Variants in TBC1D17 observed in about 807,000 individuals in gnomAD.
TBC1D17 encodes the protein TBC1 domain family member 17, also known as TBC1 domain family, member 17.
TBC1D17 carries 69 observed loss-of-function variants against 78.8 expected under a neutral mutation model. That is an observed-to-expected ratio of 0.88 (90% CI 0.72 to 1.07). The LOEUF (loss-of-function observed/expected upper bound fraction) is 1.07, where lower values mean the gene tolerates loss of function less well. TBC1D17 is among the 50% of genes least tolerant of loss of function. The pLI is 0.00. For missense variants in TBC1D17, 957 were observed against 861.0 expected, an observed-to-expected ratio of 1.11 and a Z score of -1.39; for synonymous variants, 456 against 358.3, an observed-to-expected ratio of 1.27 and a Z score of -3.08.
chr19:49,877,741 C>T lies in TBC1D17; in HGVS notation c.18C>T (p.Tyr6=), dbSNP rs758864328. The change falls in exon 1 of 17, where the codon TAC becomes TAT. Residue 6 remains tyrosine (Y), a synonymous_variant. Coordinates refer to ENST00000221543, the MANE Select transcript of TBC1D17 (RefSeq NM_024682.3). ...CGGCGACTATGGAAGGAGCCGGCTA[C>T]AGGGTAAGCACTGAGGACGCATTCC... MEGAG[Y]RVVFEKGGVY... 1.9e-6 allele frequency: 3 copies of T among 1,596,176 alleles called. No individual in the cohort carries two copies. The highest frequency in any genetic ancestry group is 2.6e-6 in the Non-Finnish European group (3 of 1,172,352).
intron 15 of TBC1D17, 21 bp from the exon 16 acceptor site, chr19:49,888,210 C>T (rs1470472252): frequency 6.4e-7 from 1 of 1,565,208 alleles, no homozygotes; most frequent in Non-Finnish European, 8.7e-7. Flanking sequence ...CGACTGGCGC[C>T]TGACCCACCC....
intron 1 of TBC1D17, 71 bp from the exon 2 acceptor site, chr19:49,878,072 C>G: frequency 7.7e-7 from 1 of 1,298,094 alleles, no homozygotes; most frequent in East Asian, 2.5e-5. Context: ...CTCCCTGGGC[C>G]CGTCCCTATT....
chr19:49,878,107 T>A, intron 1 of TBC1D17, 36 bp from the exon 2 acceptor site: 1 of 1,528,498 alleles, frequency 6.5e-7, no homozygotes, highest in Non-Finnish European at 8.9e-7. Context: ...GTCCCCTCGC[T>A]TGGGCCCCAG....
intron 2 of TBC1D17, 50 bp downstream of exon 2, chr19:49,878,291 C>T (rs1346856206): frequency 1.3e-5 from 19 of 1,513,968 alleles, no homozygotes; most frequent in Non-Finnish European, 1.6e-5. Context: ...GGGATGCAGG[C>T]GGTCTGGGAT....
In TBC1D17 at chr19:49,888,521, C is replaced by T; in HGVS notation, c.1844C>T (p.Thr615Ile). 1 of 1,537,086 alleles carries T rather than the reference C, an allele frequency of 6.5e-7. No homozygotes were observed. The highest frequency in any genetic ancestry group is 1.9e-5 in the Admixed American group (1 of 51,992). ...PTASPLPLSP[T>I]RAPPTPPPST... ...GCCTCCCCGCTGCCTCTGTCGCCCA[C>T]CCGGGCCCCGCCCACCCCGCCGCCC... Residue 615 changes from threonine (T) to isoleucine (I), a missense_variant, in exon 17 of 17, where the codon ACC becomes ATC. Thr to Ile is a moderately conservative substitution (Grantham distance 89). Coordinates refer to ENST00000221543, the MANE Select transcript of TBC1D17 (RefSeq NM_024682.3).
intron 4 of TBC1D17, 69 bp from the exon 5 acceptor site, chr19:49,881,199 T>C: frequency 7.0e-7 from 1 of 1,424,454 alleles, no homozygotes; most frequent in Non-Finnish European, 9.7e-7. Flanking sequence ...AGGAACATCC[T>C]GGGTTGTGGT....
intron 13 of TBC1D17, among the ~76,000 whole-genome samples, chr19:49,886,025 A>T (rs2075056184): frequency 6.7e-6 from 1 of 150,164 alleles, no homozygotes; most frequent in South Asian, 2.1e-4. Context: ...TCACGCCTGT[A>T]ATCCAGCACT....
In TBC1D17 at chr19:49,882,972, G is replaced by C; in HGVS notation, c.928-1G>C. 3 of 1,608,014 alleles carry C rather than the reference G, an allele frequency of 1.9e-6. No individual in the cohort carries two copies. The highest frequency in any genetic ancestry group is 2.5e-6 in the Non-Finnish European group (3 of 1,176,950). The stretch of plus-strand genomic sequence containing the variant: ...AGCTGCCTGCCCTCCTGCACCCCCA[G>C]GGTCTGAGCCCCAGCCTGCGGCGCG... On this transcript the variant is annotated splice_acceptor_variant, in intron 8 of 16. Transcript: ENST00000221543. LOFTEE classifies it high-confidence loss of function.
chr19:49,877,926 C>A, intron 1 of TBC1D17, 182 bp downstream of exon 1: 2 of 775,596 alleles, frequency 2.6e-6, no homozygotes, highest in Non-Finnish European at 4.0e-6. Context: ...CATGGCCCCG[C>A]CCCCCCGGCT....
chr19:49,884,594 T>C, intron 12 of TBC1D17, 35 bp downstream of exon 12: 1 of 1,613,640 alleles, frequency 6.2e-7, no homozygotes, highest in South Asian at 1.1e-5. Flanking sequence ...CACAGGCCTA[T>C]CGAGCGATCA....
rs778027067 is a variant in TBC1D17, at chr19:49,883,067, G to A, written c.1022G>A (p.Arg341His). 27 of 1,606,226 alleles carry A rather than the reference G, an allele frequency of 1.7e-5. No homozygotes were observed. Among genetic ancestry groups the A allele is most frequent in the Middle Eastern group, 3.3e-4 (2 of 6,050 alleles). Residue 341 changes from arginine to histidine, a missense_variant, in exon 9 of 17, where the codon CGC becomes CAC. Transcript: ENST00000221543. The stretch of plus-strand genomic sequence containing the variant: ...GCTGAGGAGCACAAGGCCCACATAC[G>A]CAAGAAAACGTGAGTTCTCAGGAGG... ...GTAEEHKAHI[R>H]KKTDEYFRMK...
rs200460228 is a variant in TBC1D17 at position 49,882,362 on chromosome 19, G to T, written c.760G>T (p.Asp254Tyr). ...CGCCTCCGACCTTCCCCCGCCACCCGACGATGAGCCCGAGCCTGGATTCGA... is the reference window on the plus strand; with the variant it reads ...CGCCTCCGACCTTCCCCCGCCACCCTACGATGAGCCCGAGCCTGGATTCGA... ...GAASDLPPPPDDEPEPGFEVI... is the reference protein window; with the variant it reads ...GAASDLPPPPYDEPEPGFEVI... Residue 254 changes from aspartate (D) to tyrosine (Y), a missense_variant, in exon 7 of 17, where the codon GAC becomes TAC. Coordinates refer to ENST00000221543, the MANE Select transcript of TBC1D17 (RefSeq NM_024682.3). The T allele has an allele frequency of 1.2e-6, 2 of 1,609,412 alleles. No individual in the cohort carries two copies. Among genetic ancestry groups the T allele is most frequent in the Non-Finnish European group, 1.7e-6 (2 of 1,179,924 alleles).
At chr19:49,879,343 C>G (rs1349263225) in intron 3 of TBC1D17, 1 of 152,304 alleles carries the variant, frequency 6.6e-6, no homozygotes, top group East Asian at 1.9e-4. Context: ...TCAGTCGGCA[C>G]CCACAGAGCT....
Position 49,888,245 on chromosome 19 carries a change from G to T in TBC1D17, c.1674G>T (p.Leu558=). Residue 558 remains leucine, a synonymous_variant, in exon 16 of 17, where the codon CTG becomes CTT. Transcript: ENST00000221543. The part of the protein sequence containing the change: ...SNEILKHINE[L]TMKLSVEDVL... ...CCCTCCCGCAGCACATCAACGAGCT[G>T]ACTATGAAGCTGAGCGTGGAGGACG... 6.3e-7 allele frequency: 1 copy of T among 1,590,314 alleles called. No individual in the cohort carries two copies. The highest frequency in any genetic ancestry group is 8.6e-7 in the Non-Finnish European group (1 of 1,169,286).
In TBC1D17 at chr19:49,881,405, G is replaced by T; in HGVS notation, c.457G>T (p.Ala153Ser). 1.2e-6 allele frequency: 2 copies of T among 1,612,928 alleles called. No homozygotes were observed. Among genetic ancestry groups the T allele is most frequent in the Non-Finnish European group, 1.7e-6 (2 of 1,179,990 alleles). ...LVTQAGGSLP[A>S]LHFHRGGTRA... ...GACCCAGGCTGGAGGTTCCCTGCCC[G>T]CACTGCACTTCCACCGCGGGGGCAC... is the stretch of plus-strand genomic sequence containing the variant. Residue 153 changes from alanine to serine, a missense_variant, in exon 5 of 17, where the codon GCA (alanine) becomes TCA (serine). By Grantham distance (99) the Ala-to-Ser change is moderately conservative (BLOSUM62 1). Transcript: ENST00000221543.
intron 4 of TBC1D17, 88 bp from the exon 5 acceptor site, chr19:49,881,180 C>T: frequency 8.3e-7 from 1 of 1,210,120 alleles, no homozygotes; most frequent in South Asian, 1.5e-5. Context: ...CAGGAGATGC[C>T]TGTGCCGAAG....
At chr19:49,886,703 C>T (rs527511427) in intron 13 of TBC1D17, 3 of 152,350 alleles carry the variant, frequency 2.0e-5, no homozygotes, top group South Asian at 2.1e-4. Flanking sequence ...GAGAGTTTGT[C>T]CTCCGTTGTT....
rs2075015311 is a variant in TBC1D17 at position 49,881,733 on chromosome 19, A to G, written c.527+258A>G. Among the ~76,000 whole-genome samples, 8 of 152,136 alleles carry G rather than the reference A, an allele frequency of 5.3e-5. No homozygotes were observed. In the South Asian group the frequency reaches 1.4e-3, roughly 28 times the overall value. On this transcript the variant is annotated intron_variant, in intron 5 of 16. Coordinates refer to ENST00000221543, the MANE Select transcript of TBC1D17 (RefSeq NM_024682.3). Reference sequence around the variant, plus strand: ...GGGCCCCAGTATCCGTGGCTTAACAACCCGGCTGGATAGAAGGCACCTCTT... The same window carrying G: ...GGGCCCCAGTATCCGTGGCTTAACAGCCCGGCTGGATAGAAGGCACCTCTT...
Position 49,882,319 on chromosome 19 carries a change from G to T in TBC1D17, c.717G>T (p.Gln239His), listed in dbSNP as rs372374861. ...CCAACTTCTTCCGGGGTGCCCTGCA[G>T]CCACAGCCTGAGGGAGCCGCCTCCG... ...RVTNFFRGAL[Q>H]PQPEGAASDL... Residue 239 changes from glutamine to histidine, a missense_variant, in exon 7 of 17, where the codon CAG becomes CAT. Physicochemically the swap from Gln to His is conservative, Grantham distance 24. Coordinates refer to ENST00000221543, the MANE Select transcript of TBC1D17 (RefSeq NM_024682.3). 3.6e-5 allele frequency: 58 copies of T among 1,611,512 alleles called. No homozygotes were observed. The highest frequency in any genetic ancestry group is 4.4e-5 in the Non-Finnish European group (52 of 1,179,988).
Sources: gnomAD v4.1 joint callset for allele counts (sites outside exome capture counted in the v4.1 genomes callset) on GRCh38, gnomAD v4.1.1 for gene constraint, MANE v1.5 for transcripts, NCBI Gene and HGNC (gene_info 2026-07-23, HGNC 2026-07-21) for gene names.